Variants in STK24 observed in about 807,000 individuals in gnomAD.
The protein encoded by STK24 is serine/threonine-protein kinase 24.
A neutral mutation model predicts 55.6 loss-of-function variants in STK24; 21 were observed. The observed-to-expected ratio is 0.38, with a 90% CI of 0.27 to 0.54. The LOEUF (loss-of-function observed/expected upper bound fraction) is 0.54, where lower values mean the gene tolerates loss of function less well. Among genes scored for constraint, STK24 ranks in the 20% least tolerant of loss-of-function variants. The pLI is 0.79. For missense variants in STK24, 383 were observed against 538.4 expected (o/e 0.71, Z 2.86); for synonymous variants, 200 against 215.2 (o/e 0.93, Z 0.62).
chr13:98,560,389 G>A (rs1205114196), intron 1 of STK24, among the ~76,000 whole-genome samples: 1 of 152,146 alleles, frequency 6.6e-6, no homozygotes, highest in Non-Finnish European at 1.5e-5. Flanking sequence ...AAAGCAGACT[G>A]GTCCTATTTT....
At chr13:98,532,955 T>C (rs974018794) in intron 1 of STK24, among the ~76,000 whole-genome samples, 5 of 152,218 alleles carry the variant, frequency 3.3e-5, no homozygotes, top group Admixed American at 2.6e-4. Flanking sequence ...TACACTTTAT[T>C]TTATCCCTAC....
intron 2 of STK24, among the ~76,000 whole-genome samples, chr13:98,493,371 CT>C (rs1332923631): frequency 1.3e-5 from 2 of 152,182 alleles, no homozygotes; most frequent in Non-Finnish European, 2.9e-5. Context: ...TCTGCTTAAA[CT>C]TAAGGATGCT....
At chr13:98,538,827 G>A (rs781777270) in intron 1 of STK24, among the ~76,000 whole-genome samples, 5 of 152,144 alleles carry the variant, frequency 3.3e-5, no homozygotes, top group African/African-American at 1.2e-4. Context: ...TCAGGCCCTG[G>A]TGTCCCTTCT....
chr13:98,576,630 C>T, intron 1 of STK24, 115 bp downstream of exon 1: 1 of 872,952 alleles, frequency 1.1e-6, no homozygotes, highest in Non-Finnish European at 1.6e-6. Context: ...CGCGGGGAGC[C>T]AGGCTCCGGC....
At chr13:98,520,682 G>T (rs527392561) in intron 1 of STK24, among the ~76,000 whole-genome samples, 2 of 152,364 alleles carry the variant, frequency 1.3e-5, no homozygotes, top group African/African-American at 4.8e-5. Flanking sequence ...CCCATCAGGG[G>T]CCACCCAGCC....
At chr13:98,520,085 C>G (rs1170294625) in intron 1 of STK24, among the ~76,000 whole-genome samples, 2 of 152,200 alleles carry the variant, frequency 1.3e-5, no homozygotes, top group Non-Finnish European at 2.9e-5. Flanking sequence ...CTCTTAACCA[C>G]CTGATTAGTT....
chr13:98,535,256 G>C (rs1180520750), intron 1 of STK24, among the ~76,000 whole-genome samples: 1 of 151,392 alleles, frequency 6.6e-6, no homozygotes, highest in Non-Finnish European at 1.5e-5. Flanking sequence ...AGAATCACTT[G>C]AATCTGGGAG....
intron 1 of STK24, chr13:98,522,040 A>G: frequency 1.4e-6 from 2 of 1,411,208 alleles, no homozygotes; most frequent in Non-Finnish European, 1.8e-6. Context: ...AGTCCCTTCA[A>G]AGTCATCTGG....
intron 5 of STK24, among the ~76,000 whole-genome samples, chr13:98,469,534 T>TACC (rs768326491): frequency 4.7e-5 from 6 of 126,334 alleles, no homozygotes; most frequent in Non-Finnish European, 8.8e-5. Context: ...AGACCCTGCA[T>TACC]CCCCCCCCCC....
intron 1 of STK24, among the ~76,000 whole-genome samples, chr13:98,569,879 T>A (rs1897695483): frequency 7.0e-6 from 1 of 141,892 alleles, no homozygotes; most frequent in Non-Finnish European, 1.6e-5. Context: ...AGGCAGAAAT[T>A]TTTTTTTTTT....
Position 98,457,309 on chromosome 13 carries a change from A to G in STK24, c.1123-5T>C, listed in dbSNP as rs778254472. On this transcript the variant is annotated splice_region_variant and splice_polypyrimidine_tract_variant and intron_variant, in intron 9 of 10. Transcript: ENST00000539966. ...CGCCTGGCTCTTCTCCTTCAACTGA[A>G]AACACACGAACAGGAAGAATGGCAT... is the stretch of plus-strand genomic sequence containing the variant. The G allele has an allele frequency of 5.6e-6, 9 of 1,613,880 alleles. No individual in the cohort carries two copies. The highest frequency in any genetic ancestry group is 4.5e-5 in the East Asian group (2 of 44,890).
In STK24 at chr13:98,445,552, C is replaced by T. The variant is rs2034315773; in HGVS notation, c.*7621G>A. 1 of 152,490 alleles carries T rather than the reference C, an allele frequency of 6.6e-6. No individual in the cohort carries two copies. Among genetic ancestry groups the T allele is most frequent in the Non-Finnish European group, 1.5e-5 (1 of 68,244 alleles). 9.4% of individuals were successfully genotyped at this position (152,490 alleles called of 1,614,324 possible). A position where few individuals can be genotyped will look rare whatever the true frequency, so the allele number is the denominator to read the frequency against. On this transcript the variant is annotated 3_prime_UTR_variant, in exon 11 of 11. Transcript: ENST00000539966. ...GAGCCACTCACATGCACCCCAGGCCCCACTTCCTGGGTAGGGTGCCTGGCC... is the reference window on the plus strand; with the variant it reads ...GAGCCACTCACATGCACCCCAGGCCTCACTTCCTGGGTAGGGTGCCTGGCC...
intron 5 of STK24, among the ~76,000 whole-genome samples, chr13:98,471,879 A>G (rs987695443): frequency 6.6e-6 from 1 of 152,128 alleles, no homozygotes; most frequent in African/African-American, 2.4e-5. Flanking sequence ...TAACTACCAT[A>G]CAGAACCCTG....
chr13:98,519,135 C>T (rs1185805775), intron 2 of STK24, 108 bp downstream of exon 2: 2 of 858,306 alleles, frequency 2.3e-6, no homozygotes, highest in Non-Finnish European at 3.7e-6. Context: ...AACATCTCTC[C>T]TTGCTCTGAA....
chr13:98,470,775 A>G (rs12858868), intron 5 of STK24, among the ~76,000 whole-genome samples: 81,469 of 152,048 alleles, frequency 0.54, 22,109 homozygotes, highest in Non-Finnish European at 0.59. Context: ...AAAGTACGCT[A>G]GCTACACATC....
intron 1 of STK24, among the ~76,000 whole-genome samples, chr13:98,542,362 T>C (rs1295121452): frequency 6.6e-6 from 1 of 151,534 alleles, no homozygotes; most frequent in Non-Finnish European, 1.5e-5. Context: ...ACAAAAACAA[T>C]ACATTCATCC....
At chr13:98,478,545 G>A (rs560636961) in intron 3 of STK24, among the ~76,000 whole-genome samples, 1 of 152,232 alleles carries the variant, frequency 6.6e-6, no homozygotes, top group Non-Finnish European at 1.5e-5. Context: ...AGCACAGACC[G>A]TGACGGTATG....
intron 1 of STK24, among the ~76,000 whole-genome samples, chr13:98,548,733 G>C: frequency 6.6e-6 from 1 of 151,752 alleles, no homozygotes; most frequent in East Asian, 1.9e-4. Context: ...ATGGTGGCAG[G>C]CACCTGTAAT....
chr13:98,512,148 A>T (rs1429682985), intron 2 of STK24, among the ~76,000 whole-genome samples: 1 of 152,190 alleles, frequency 6.6e-6, no homozygotes, highest in Non-Finnish European at 1.5e-5. Context: ...TCAGCCTCAC[A>T]AAGTGCTGGG....
Sources: allele counts gnomAD v4.1 joint callset (sites outside exome capture counted in the v4.1 genomes callset), GRCh38; gene constraint gnomAD v4.1.1; transcripts MANE v1.5; gene names NCBI Gene and HGNC (gene_info 2026-07-23, HGNC 2026-07-21).